Variants in TRIP12 observed in about 807,000 individuals in gnomAD.
TRIP12 encodes the protein E3 ubiquitin-protein ligase TRIP12.
A neutral mutation model predicts 244.2 loss-of-function variants in TRIP12; 25 were observed. The observed-to-expected ratio is 0.10, with a 90% CI of 0.07 to 0.14. The LOEUF (loss-of-function observed/expected upper bound fraction) is 0.14. Among genes scored for constraint, TRIP12 ranks in the 10% least tolerant of loss-of-function variants. The probability of loss-of-function intolerance (pLI) is 1.00; values close to 1 mark genes in which losing one functional copy is unlikely to be tolerated. For synonymous variants in TRIP12, 905 were observed against 873.1 expected (o/e 1.04, Z -0.64); for missense variants, 1,677 against 2,486.4 (o/e 0.67, Z 6.92).
At position 229,796,744 on chromosome 2, in the gene TRIP12, G is replaced by A; in HGVS notation, c.3663C>T (p.Ser1221=). ...GGAECLVEIR[S]IVSESDVSSF... ...ATGAAACATCTGACTCTGAGACTAT[G>A]CTACGGATTTCTACAAGGCACTCAG... The change falls in exon 25 of 42, where the codon AGC becomes AGT. Residue 1221 remains serine (S), a synonymous_variant. Coordinates refer to ENST00000675903, the MANE Select transcript of TRIP12 (RefSeq NM_001348323.3). 6.2e-7 allele frequency: 1 copy of A among 1,602,416 alleles called. No individual in the cohort carries two copies. The highest frequency in any genetic ancestry group is 8.5e-7 in the Non-Finnish European group (1 of 1,176,678).
chr2:229,909,553 T>C (rs2073835119), intron 1 of TRIP12, among the ~76,000 whole-genome samples: 1 of 148,880 alleles, frequency 6.7e-6, no homozygotes, highest in Non-Finnish European at 1.5e-5. Context: ...GTTGAGACCT[T>C]GTCTAAAAAA....
chr2:229,847,424 C>T (rs555969369), intron 4 of TRIP12, among the ~76,000 whole-genome samples: 31 of 152,192 alleles, frequency 2.0e-4, no homozygotes, highest in Non-Finnish European at 4.4e-4. Flanking sequence ...TGTCTCCCTT[C>T]TGGGTAAAGA....
At chr2:229,838,696 T>C (rs1189284238) in intron 5 of TRIP12, among the ~76,000 whole-genome samples, 3 of 152,166 alleles carry the variant, frequency 2.0e-5, no homozygotes, top group African/African-American at 7.2e-5. Flanking sequence ...GATTCAAAAT[T>C]TGGCCCAAAA....
At chr2:229,852,213 G>C (rs969140659) in intron 4 of TRIP12, among the ~76,000 whole-genome samples, 1 of 152,108 alleles carries the variant, frequency 6.6e-6, no homozygotes, top group African/African-American at 2.4e-5. Context: ...TTAAATAATA[G>C]AGAGTAAAGT....
chr2:229,789,711 G>A lies in TRIP12; in HGVS notation c.4595C>T (p.Thr1532Ile), dbSNP rs532927215. The change falls in exon 31 of 42, where the codon ACA (threonine) becomes ATA (isoleucine). Residue 1532 changes from threonine (T) to isoleucine (I), a missense_variant. Thr to Ile is a moderately conservative substitution (Grantham distance 89, BLOSUM62 -1). This residue lies in a region of TRIP12 where 265 missense variants were observed against 370.8 expected (regional missense o/e 0.71). Coordinates refer to ENST00000675903, the MANE Select transcript of TRIP12 (RefSeq NM_001348323.3). ...TTCAAATGTTATATTTTCAGGTGGTGTGGGAATGAGGTAAACTTCTAAAGG... is the reference window on the plus strand; with the variant it reads ...TTCAAATGTTATATTTTCAGGTGGTATGGGAATGAGGTAAACTTCTAAAGG... ...SNPLEVYLIP[T>I]PPENITFEDP... 1 of 1,614,078 alleles carries A rather than the reference G, an allele frequency of 6.2e-7. No individual in the cohort carries two copies. The highest frequency in any genetic ancestry group is 1.7e-5 in the Admixed American group (1 of 60,022).
chr2:229,829,605 T>C (rs2052739267), intron 7 of TRIP12, among the ~76,000 whole-genome samples: 1 of 152,220 alleles, frequency 6.6e-6, no homozygotes, highest in African/African-American at 2.4e-5. Context: ...TCAGAACCTA[T>C]AAAACCATAT....
At chr2:229,832,416 T>C (rs1211729158) in intron 6 of TRIP12, among the ~76,000 whole-genome samples, 1 of 152,166 alleles carries the variant, frequency 6.6e-6, no homozygotes, top group Non-Finnish European at 1.5e-5. Context: ...CCCACCACTC[T>C]GAAAAGTTTA....
chr2:229,839,691 AAG>A (rs1276672405), intron 5 of TRIP12, among the ~76,000 whole-genome samples: 2 of 151,862 alleles, frequency 1.3e-5, no homozygotes, highest in Non-Finnish European at 2.9e-5. Context: ...AAAAAAAAAA[AAG>A]AAAAAAGTGG....
At chr2:229,807,255 T>A (rs1173429909) in intron 17 of TRIP12, 1 of 184,066 alleles carries the variant, frequency 5.4e-6, no homozygotes, top group Non-Finnish European at 1.1e-5. Flanking sequence ...CATACAAGCC[T>A]ACGTGTATCA....
chr2:229,912,595 CCT>C (rs2154378540), intron 1 of TRIP12, among the ~76,000 whole-genome samples: 1 of 152,182 alleles, frequency 6.6e-6, no homozygotes, highest in Non-Finnish European at 1.5e-5. Flanking sequence ...AGTTTAAGCC[CCT>C]CTCTCTTCAT....
In TRIP12 at chr2:229,792,033, T is replaced by A. The variant is rs1382425573; in HGVS notation, c.4248A>T (p.Arg1416Ser). The A allele has an allele frequency of 6.2e-7, 1 of 1,614,134 alleles. No homozygotes were observed. The highest frequency in any genetic ancestry group is 1.1e-5 in the South Asian group (1 of 91,080). The change falls in exon 29 of 42, where the codon AGA becomes AGT. Residue 1416 changes from arginine to serine, a missense_variant. Transcript: ENST00000675903. ...AAQFLNSGNV[R>S]HRLQFYIGEH... ...CTCCAATATAAAACTGCAGCCTGTGTCTTACATTTCCTGAATTTAGGAACT... is the reference window on the plus strand; with the variant it reads ...CTCCAATATAAAACTGCAGCCTGTGACTTACATTTCCTGAATTTAGGAACT...
Position 229,808,611 on chromosome 2 carries a change from A to C in TRIP12, c.2222-242T>G, listed in dbSNP as rs138696889. On this transcript the variant is annotated intron_variant, in intron 15 of 41. Transcript: ENST00000675903. ...TTAGTCCAAACCTAGCTGGGTGCCTAATCACAATTCCTTCTCACCCCTGAG... is the reference window on the plus strand; with the variant it reads ...TTAGTCCAAACCTAGCTGGGTGCCTCATCACAATTCCTTCTCACCCCTGAG... 1.2e-4 allele frequency among the ~76,000 whole-genome samples: 19 copies of C among 152,320 alleles called. No individual in the cohort carries two copies. The East Asian group carries it at 2.1e-3, about 17-fold the overall frequency.
intron 21 of TRIP12, among the ~76,000 whole-genome samples, chr2:229,801,834 T>C (rs1352309331): frequency 6.6e-6 from 1 of 152,204 alleles, no homozygotes; most frequent in Non-Finnish European, 1.5e-5. Flanking sequence ...TTCTAAGACT[T>C]CTAATTTTCA....
chr2:229,804,375 A>T, intron 18 of TRIP12, 148 bp from the exon 19 acceptor site: 1 of 661,458 alleles, frequency 1.5e-6, no homozygotes, highest in Non-Finnish European at 2.5e-6. Flanking sequence ...CTATGATATG[A>T]TCAACTAGGA....
intron 2 of TRIP12, among the ~76,000 whole-genome samples, chr2:229,877,094 T>C (rs2063736136): frequency 1.3e-5 from 2 of 151,942 alleles, no homozygotes; most frequent in Non-Finnish European, 2.9e-5. Flanking sequence ...TACTTTTGCA[T>C]CAAGTTAAAT....
chr2:229,831,243 T>G (rs950154814), intron 6 of TRIP12: 2 of 665,500 alleles, frequency 3.0e-6, no homozygotes, highest in African/African-American at 3.6e-5. Context: ...AATAGACATT[T>G]GGGGGAAATG....
chr2:229,906,438 T>C (rs1215477433), intron 1 of TRIP12, among the ~76,000 whole-genome samples: 3 of 149,192 alleles, frequency 2.0e-5, no homozygotes, highest in Non-Finnish European at 4.5e-5. Flanking sequence ...AAAAAGAAAT[T>C]AGGCCGGGCT....
Position 229,804,266 on chromosome 2 carries a change from T to G in TRIP12, c.2651-39A>C, listed in dbSNP as rs4973229. On this transcript the variant is annotated intron_variant, in intron 18 of 41. Coordinates refer to ENST00000675903, the MANE Select transcript of TRIP12 (RefSeq NM_001348323.3). ...AAAAAATATATGTGCAATCCTGAAG[T>G]GACAGACTTCAGAAACACAATAAAC... 0.45 allele frequency: 667,371 copies of G among 1,492,212 alleles called. 153,712 individuals carry two copies. Among genetic ancestry groups the G allele is most frequent in the Middle Eastern group, 0.55 (3,119 of 5,670 alleles). 92.4% of individuals were successfully genotyped at this position (1,492,212 alleles called of 1,614,324 possible).
intron 26 of TRIP12, chr2:229,794,751 C>G (rs2042393308): frequency 6.6e-6 from 1 of 152,070 alleles, no homozygotes; most frequent in Admixed American, 6.6e-5. Context: ...AGTAAAACTT[C>G]AAACATTTGA....
Sources: gnomAD v4.1 joint callset for allele counts (sites outside exome capture counted in the v4.1 genomes callset) on GRCh38, gnomAD v4.1.1 for gene constraint, gnomAD v4.1.1 regional missense constraint, MANE v1.5 for transcripts, NCBI Gene and HGNC (gene_info 2026-07-23, HGNC 2026-07-21) for gene names.